SLC25A27: variants seen among roughly 807,000 people sequenced by gnomAD.
SLC25A27 encodes solute carrier family 25 member 27.
A neutral mutation model predicts 49.1 loss-of-function variants in SLC25A27; 35 were observed. The observed-to-expected ratio is 0.71, with a 90% confidence interval of 0.54 to 0.95. The LOEUF is 0.95. SLC25A27 is among the 40% of genes least tolerant of loss of function. The pLI, the probability that SLC25A27 is intolerant of heterozygous loss-of-function variation, is 0.00. For synonymous variants in SLC25A27, 144 were observed against 136.9 expected, an observed-to-expected ratio of 1.05 and a Z score of -0.36; for missense variants, 339 against 397.1, an observed-to-expected ratio of 0.85 and a Z score of 1.24.
Position 46,653,261 on chromosome 6 carries a change from C to T in SLC25A27, c.69C>T (p.Phe23=). ...LTQRWPRASK[F]LLSGCAATVA... ...AGAGATGGCCCCGAGCGAGCAAATT[C>T]CTACTGTCCGGCTGCGCGGCTACCG... The change falls in exon 1 of 9, where the codon TTC becomes TTT. Residue 23 remains phenylalanine, a synonymous_variant. Transcript: ENST00000371347. 6.2e-7 allele frequency: 1 copy of T among 1,613,590 alleles called. No homozygotes were observed. The highest frequency in any genetic ancestry group is 8.5e-7 in the Non-Finnish European group (1 of 1,179,714).
At chr6:46,671,040 T>C (rs1272453671) in intron 7 of SLC25A27, 86 bp from the exon 8 acceptor site, 5 of 986,272 alleles carry the variant, frequency 5.1e-6, no homozygotes, top group Non-Finnish European at 6.1e-6. Context: ...AATATTTAAT[T>C]TTTATAAGAT....
intron 5 of SLC25A27, among the ~76,000 whole-genome samples, chr6:46,666,555 G>A (rs1763331804): frequency 6.6e-6 from 1 of 151,906 alleles, no homozygotes; most frequent in Non-Finnish European, 1.5e-5. Flanking sequence ...GTATATTTGT[G>A]GATATTTTGA....
At chr6:46,663,493 C>G (rs544746700) in intron 4 of SLC25A27, among the ~76,000 whole-genome samples, 1 of 152,168 alleles carries the variant, frequency 6.6e-6, no homozygotes, top group Non-Finnish European at 1.5e-5. Context: ...TTTATAGAAC[C>G]CCAGGGCCCA....
In SLC25A27 at chr6:46,673,257, T is replaced by C. The variant is rs11751951; in HGVS notation, c.900+2029T>C. Among the ~76,000 whole-genome samples the C allele has an allele frequency of 1.1e-4, 17 of 152,322 alleles. No individual in the cohort carries two copies. In the East Asian group the frequency reaches 1.2e-3, roughly 10 times the overall value. On this transcript the variant is annotated intron_variant, in intron 8 of 8. Transcript: ENST00000371347. ...CTAATCATTTTCATGACTTAACTCG[T>C]TGAATTTCCCCAACAATCTGTGCAG...
At chr6:46,667,732 A>G (rs1195924412) in intron 5 of SLC25A27, among the ~76,000 whole-genome samples, 1 of 152,006 alleles carries the variant, frequency 6.6e-6, no homozygotes, top group African/African-American at 2.4e-5. Flanking sequence ...ATTAATAGAA[A>G]CTATTCCTCC....
At position 46,662,497 on chromosome 6, in the gene SLC25A27, C is replaced by T. The variant is rs867117424; in HGVS notation, c.505C>T (p.Arg169Ter). Reference sequence around the variant, plus strand: ...AAGGAAACTGGAAGGAAAACCATTGCGGTAAGTTCTCCAATTAACCAATAC... The same window carrying T: ...AAGGAAACTGGAAGGAAAACCATTGTGGTAAGTTCTCCAATTAACCAATAC... ...GKRKLEGKPL[R>*]FRGVHHAFAK... is the part of the protein sequence containing the mutation. Residue 169 changes from arginine to a stop codon, truncating the protein, a stop_gained and splice_region_variant, in exon 4 of 9, where the codon CGA (arginine) becomes TGA (stop). Coordinates refer to ENST00000371347, the MANE Select transcript of SLC25A27 (RefSeq NM_004277.5). LOFTEE classifies it high-confidence loss of function. 21 of 1,613,420 alleles carry T rather than the reference C, an allele frequency of 1.3e-5. No homozygotes were observed. Among genetic ancestry groups the T allele is most frequent in the South Asian group, 2.2e-5 (2 of 90,946 alleles).
intron 1 of SLC25A27, chr6:46,654,178 G>C: frequency 1.0e-6 from 1 of 963,884 alleles, no homozygotes; most frequent in Non-Finnish European, 1.2e-6. Context: ...AGCCTTAACT[G>C]TGTATTTTAA....
intron 3 of SLC25A27, among the ~76,000 whole-genome samples, chr6:46,662,017 G>C (rs1056421827): frequency 1.3e-5 from 2 of 152,160 alleles, no homozygotes; most frequent in African/African-American, 4.8e-5. Context: ...GGTTAAAGTT[G>C]ACCGGAGTCT....
chr6:46,661,267 G>A (rs1763154180), intron 3 of SLC25A27, among the ~76,000 whole-genome samples: 2 of 152,112 alleles, frequency 1.3e-5, no homozygotes, highest in South Asian at 4.1e-4. Context: ...TCATTGTGTG[G>A]AGAAACAGGC....
chr6:46,662,642 A>G, intron 4 of SLC25A27, 144 bp downstream of exon 4: 1 of 800,508 alleles, frequency 1.2e-6, no homozygotes, highest in South Asian at 1.8e-5. Flanking sequence ...TAAGAGGAAC[A>G]CTAAGCTGGA....
rs1343889750 is a variant in SLC25A27, at chr6:46,665,042, A to G, written c.619+156A>G. ...TAGATGTTCTAGGTCATAACTGAAT[A>G]TTTTCCACAGAGCATTTTTGCTTCA... On this transcript the variant is annotated intron_variant, in intron 5 of 8. Transcript: ENST00000371347. Among the ~76,000 whole-genome samples, 5 of 152,160 alleles carry G rather than the reference A, an allele frequency of 3.3e-5. 1 individual carries two copies. The highest frequency in any genetic ancestry group is 3.3e-4 in the Admixed American group (5 of 15,276).
At chr6:46,660,640 T>G (rs1288397434) in intron 3 of SLC25A27, among the ~76,000 whole-genome samples, 1 of 152,180 alleles carries the variant, frequency 6.6e-6, no homozygotes, top group Non-Finnish European at 1.5e-5. Flanking sequence ...ACACAGCTAT[T>G]GAAAGCATGA....
intron 8 of SLC25A27, among the ~76,000 whole-genome samples, chr6:46,675,720 A>C (rs546974771): frequency 4.3e-4 from 66 of 152,274 alleles, no homozygotes; most frequent in South Asian, 2.5e-3. Context: ...TTTACAGTTT[A>C]CATCTTTAGC....
chr6:46,658,057 C>A (rs1184981771), intron 2 of SLC25A27, among the ~76,000 whole-genome samples: 9 of 152,172 alleles, frequency 5.9e-5, no homozygotes, highest in African/African-American at 1.9e-4. Context: ...TTTTTCTCCT[C>A]ATAATGTTTC....
chr6:46,653,356 A>C, intron 1 of SLC25A27, 58 bp downstream of exon 1: 3 of 1,541,480 alleles, frequency 1.9e-6, no homozygotes, highest in Non-Finnish European at 8.7e-7. Context: ...GCGCTGGGGG[A>C]GGGTGCGCGG....
chr6:46,667,004 C>T (rs1763347071), intron 5 of SLC25A27, among the ~76,000 whole-genome samples: 1 of 152,208 alleles, frequency 6.6e-6, no homozygotes, highest in South Asian at 2.1e-4. Context: ...TCCCCTCCTA[C>T]TGGACCACTA....
intron 3 of SLC25A27, among the ~76,000 whole-genome samples, chr6:46,659,780 A>G (rs1336780520): frequency 6.6e-6 from 1 of 151,840 alleles, no homozygotes; most frequent in Non-Finnish European, 1.5e-5. Context: ...GCTTGAACCC[A>G]GGAGGTGGAG....
At chr6:46,674,706 T>C (rs1763696901) in intron 8 of SLC25A27, among the ~76,000 whole-genome samples, 1 of 152,188 alleles carries the variant, frequency 6.6e-6, no homozygotes, top group Non-Finnish European at 1.5e-5. Context: ...ACAACACATT[T>C]GGCAAGTGAT....
intron 4 of SLC25A27, among the ~76,000 whole-genome samples, 167 bp downstream of exon 4, chr6:46,662,665 A>G (rs1763197073): frequency 6.6e-6 from 1 of 152,182 alleles, no homozygotes; most frequent in Non-Finnish European, 1.5e-5. Flanking sequence ...TTTTCTTTGC[A>G]CTAGGAAGTG....
Sources: gnomAD v4.1 joint callset for allele counts (sites outside exome capture counted in the v4.1 genomes callset) on GRCh38, gnomAD v4.1.1 for gene constraint, MANE v1.5 for transcripts, NCBI Gene and HGNC (gene_info 2026-07-23, HGNC 2026-07-21) for gene names.